The following NOX4 variants were observed in gnomAD, a reference collection of about 807,000 sequenced individuals.
NOX4 encodes the protein kidney oxidase-1.
Under a neutral mutation model 87.6 loss-of-function variants are expected in NOX4, and 69 were observed. The observed-to-expected ratio is 0.79, with a 90% confidence interval of 0.65 to 0.96. The LOEUF (loss-of-function observed/expected upper bound fraction) is 0.96. Ranked by LOEUF, NOX4 falls within the 40% of genes least tolerant of loss-of-function variation. NOX4 has a pLI of 0.00. For missense variants in NOX4, 680 were observed against 681.5 expected (o/e 1.00, Z 0.02); for synonymous variants, 275 against 238.2 (o/e 1.15, Z -1.42).
rs868094026 is a variant in NOX4 at position 89,428,479 on chromosome 11, A to G, written c.548+4305T>C. Among the ~76,000 whole-genome samples, 144 of 94,336 alleles carry G rather than the reference A, an allele frequency of 1.5e-3. 1 individual carries two copies. The highest frequency in any genetic ancestry group is 8.9e-3 in the African/African-American group (108 of 12,190). 61.9% of individuals were successfully genotyped at this position (94,336 alleles called of 152,430 possible). ...GCTGTATTCAGGAAACCCATCTCAC[A>G]TGCAGACACACATAGGCTCAAAATA... On this transcript the variant is annotated intron_variant, in intron 7 of 17. Coordinates refer to ENST00000263317, the MANE Select transcript of NOX4 (RefSeq NM_016931.5).
chr11:89,345,129 C>G (rs896902150), intron 13 of NOX4, among the ~76,000 whole-genome samples: 6 of 152,158 alleles, frequency 3.9e-5, no homozygotes, highest in Non-Finnish European at 5.9e-5. Context: ...TCAAATTTTA[C>G]TGTGTATCAG....
At chr11:89,579,344 G>T in the NOX4 span, among the ~76,000 whole-genome samples, 1 of 152,144 alleles carries the variant, frequency 6.6e-6, no homozygotes, top group Non-Finnish European at 1.5e-5. Context: ...TTCATCAATT[G>T]TAGTGAATGT....
intron 6 of NOX4, among the ~76,000 whole-genome samples, chr11:89,438,515 C>G (rs182861904): frequency 1.3e-5 from 1 of 79,914 alleles, no homozygotes; most frequent in Admixed American, 2.2e-4. Context: ...ATATTATATA[C>G]TATATATACT....
intron 3 of NOX4, among the ~76,000 whole-genome samples, chr11:89,449,928 T>C (rs1435245852): frequency 1.3e-5 from 2 of 152,176 alleles, no homozygotes; most frequent in Non-Finnish European, 2.9e-5. Flanking sequence ...ATTTCTGGAA[T>C]GTTTAAGTTT....
chr11:89,357,671 G>A (rs986617946), intron 12 of NOX4, among the ~76,000 whole-genome samples: 4 of 152,068 alleles, frequency 2.6e-5, no homozygotes, highest in African/African-American at 9.7e-5. Context: ...AGCTATATGT[G>A]TTATGATATT....
At chr11:89,390,282 T>C (rs894734365) in intron 11 of NOX4, among the ~76,000 whole-genome samples, 1 of 152,168 alleles carries the variant, frequency 6.6e-6, no homozygotes, top group Non-Finnish European at 1.5e-5. Context: ...ATTTTCCACT[T>C]ATGAAAACAA....
chr11:89,547,848 T>C, the NOX4 span, among the ~76,000 whole-genome samples: 2 of 152,072 alleles, frequency 1.3e-5, no homozygotes, highest in African/African-American at 4.8e-5. Context: ...AGCTATATCA[T>C]GCAGCAATAG....
chr11:89,522,886 A>G, the NOX4 span, among the ~76,000 whole-genome samples: 1 of 152,162 alleles, frequency 6.6e-6, no homozygotes, highest in Non-Finnish European at 1.5e-5. Flanking sequence ...CAAACTAAGT[A>G]TTCCTAGGAC....
intron 7 of NOX4, among the ~76,000 whole-genome samples, chr11:89,423,975 GA>G (rs1272270295): frequency 4.6e-5 from 7 of 152,050 alleles, no homozygotes; most frequent in Admixed American, 4.6e-4. Context: ...GCTGAAGTGG[GA>G]GGATCACTTG....
intron 13 of NOX4, among the ~76,000 whole-genome samples, chr11:89,346,791 T>C (rs1450321141): frequency 1.3e-5 from 2 of 152,224 alleles, no homozygotes; most frequent in Admixed American, 1.3e-4. Flanking sequence ...ACACAGCTTC[T>C]TGACTTAGAT....
At chr11:89,335,813 C>A in intron 17 of NOX4, 32 bp downstream of exon 17, 5 of 936,808 alleles carry the variant, frequency 5.3e-6, no homozygotes, top group Non-Finnish European at 8.0e-6. Flanking sequence ...TTTTATTAGC[C>A]ACATATCAAA....
chr11:89,525,660 T>G, the NOX4 span, among the ~76,000 whole-genome samples: 1 of 152,108 alleles, frequency 6.6e-6, no homozygotes, highest in East Asian at 1.9e-4. Flanking sequence ...TTTTCTCCCA[T>G]TTTGTAACTT....
At chr11:89,482,453 C>G (rs1436646663) in intron 2 of NOX4, among the ~76,000 whole-genome samples, 1 of 151,952 alleles carries the variant, frequency 6.6e-6, no homozygotes, top group African/African-American at 2.4e-5. Context: ...TCCAATATGA[C>G]TGGTGCCCTT....
At chr11:89,418,641 G>A (rs1942924495) in intron 8 of NOX4, among the ~76,000 whole-genome samples, 1 of 151,740 alleles carries the variant, frequency 6.6e-6, no homozygotes, top group Non-Finnish European at 1.5e-5. Context: ...AACTTCCATG[G>A]CCTCCAGAAT....
chr11:89,374,719 C>T (rs4127492), intron 11 of NOX4, among the ~76,000 whole-genome samples: 3,100 of 151,836 alleles, frequency 0.02, 82 homozygotes, highest in East Asian at 0.13. Flanking sequence ...AGAAATCAAA[C>T]GAAATAGGAG....
the NOX4 span, among the ~76,000 whole-genome samples, chr11:89,525,907 TTGA>T: frequency 3.2e-4 from 48 of 152,266 alleles, 1 homozygote; most frequent in African/African-American, 1.1e-3. Flanking sequence ...GAGGTCAAGA[TTGA>T]TGTTCATCTT....
At chr11:89,532,491 G>A in the NOX4 span, among the ~76,000 whole-genome samples, 6 of 152,216 alleles carry the variant, frequency 3.9e-5, no homozygotes, top group East Asian at 9.7e-4. Context: ...CTTATTCAAG[G>A]CCTGTACCTC....
chr11:89,464,816 A>C lies in NOX4; in HGVS notation c.154-12921T>G, dbSNP rs188298672. ...GATTTAAAATGAGGAAGTATAAACA[A>C]AACAAAGATTAGTTTTTGTTATGAA... On this transcript the variant is annotated intron_variant, in intron 2 of 17. Coordinates refer to ENST00000263317, the MANE Select transcript of NOX4 (RefSeq NM_016931.5). 4.6e-5 allele frequency among the ~76,000 whole-genome samples: 7 copies of C among 152,330 alleles called. No individual in the cohort carries two copies. The East Asian group carries it at 1.3e-3, about 29-fold the overall frequency.
chr11:89,345,463 C>T (rs1036947331), intron 13 of NOX4, among the ~76,000 whole-genome samples: 4 of 152,174 alleles, frequency 2.6e-5, no homozygotes, highest in Admixed American at 2.0e-4. Flanking sequence ...TCTCATGATG[C>T]TGGGCAGCTG....
Sources: allele counts gnomAD v4.1 joint callset (sites outside exome capture counted in the v4.1 genomes callset), GRCh38; gene constraint gnomAD v4.1.1; transcripts MANE v1.5; gene names NCBI Gene and HGNC (gene_info 2026-07-23, HGNC 2026-07-21).